Variants in ALK observed in about 807,000 individuals in gnomAD.
ALK encodes the protein ALK tyrosine kinase receptor.
In ALK, 74 loss-of-function variants were observed where a neutral mutation model predicts 163.1. The observed-to-expected ratio is 0.45, with a 90% CI of 0.38 to 0.55. The LOEUF (loss-of-function observed/expected upper bound fraction) is 0.55, where lower values mean the gene tolerates loss of function less well. ALK is among the 20% of genes least tolerant of loss of function. ALK has a pLI of 0.00. For synonymous variants in ALK, 960 were observed against 843.2 expected (o/e 1.14, Z -2.40); for missense variants, 2,063 against 2,105.3 (o/e 0.98, Z 0.39).
chr2:29,731,589 C>T (rs148358589), intron 1 of ALK, among the ~76,000 whole-genome samples: 199 of 152,288 alleles, frequency 1.3e-3, no homozygotes, highest in African/African-American at 4.2e-3. Flanking sequence ...CTAAACCTTC[C>T]GGCCTGCTGA....
intron 1 of ALK, among the ~76,000 whole-genome samples, chr2:29,891,422 T>C (rs1394194812): frequency 1.3e-5 from 2 of 152,158 alleles, no homozygotes; most frequent in Non-Finnish European, 2.9e-5. Context: ...GCATCTTAAA[T>C]AAGCACAATG....
At chr2:29,734,193 A>G (rs1679827837) in intron 1 of ALK, among the ~76,000 whole-genome samples, 1 of 152,184 alleles carries the variant, frequency 6.6e-6, no homozygotes, top group African/African-American at 2.4e-5. Context: ...TGACTTGGCA[A>G]TTGTGCAATC....
chr2:29,384,613 C>G (rs574660396), intron 4 of ALK, among the ~76,000 whole-genome samples: 16 of 151,926 alleles, frequency 1.1e-4, no homozygotes, highest in Non-Finnish European at 2.2e-4. Flanking sequence ...ATTGGACCAT[C>G]GAATTTACTT....
intron 4 of ALK, among the ~76,000 whole-genome samples, chr2:29,517,656 ACT>A (rs1380645057): frequency 1.3e-5 from 2 of 152,064 alleles, no homozygotes; most frequent in African/African-American, 2.4e-5. Flanking sequence ...ATATTATCTG[ACT>A]CTCCTGATGA....
intron 5 of ALK, among the ~76,000 whole-genome samples, chr2:29,339,188 A>C (rs1366586606): frequency 3.9e-5 from 6 of 152,054 alleles, no homozygotes; most frequent in African/African-American, 1.2e-4. Context: ...GGTTGCAGTG[A>C]ACTCAGATCA....
intron 4 of ALK, among the ~76,000 whole-genome samples, chr2:29,470,388 C>G (rs550250918): frequency 1.3e-5 from 2 of 152,120 alleles, no homozygotes; most frequent in Admixed American, 1.3e-4. Context: ...CTCTGTGAGT[C>G]CCACATAGAA....
chr2:29,520,780 C>G (rs200996326), intron 4 of ALK, among the ~76,000 whole-genome samples: 1 of 152,086 alleles, frequency 6.6e-6, no homozygotes, highest in African/African-American at 2.4e-5. Context: ...GTGAGCCAGG[C>G]TCAGGAGGGG....
At chr2:29,211,285 T>TGACA (rs982049064) in intron 24 of ALK, among the ~76,000 whole-genome samples, 116 of 152,260 alleles carry the variant, frequency 7.6e-4, no homozygotes, top group African/African-American at 2.7e-3. Flanking sequence ...ATAACACATA[T>TGACA]GACATCAAAA....
chr2:29,858,443 AGGTCTGAGGCCGGGTGC>A (rs1272613605), intron 1 of ALK, among the ~76,000 whole-genome samples: 1 of 151,976 alleles, frequency 6.6e-6, no homozygotes, highest in Non-Finnish European at 1.5e-5. Flanking sequence ...CATGGACAAA[AGGTCTGAGGCCGGGTGC>A]GGTGGCTCAT....
At chr2:29,461,681 T>G (rs2148102949) in intron 4 of ALK, among the ~76,000 whole-genome samples, 1 of 152,316 alleles carries the variant, frequency 6.6e-6, no homozygotes, top group South Asian at 2.1e-4. Flanking sequence ...ATGTACCTGG[T>G]TACACAAGGG....
intron 1 of ALK, among the ~76,000 whole-genome samples, chr2:29,718,538 T>C (rs1444947692): frequency 6.6e-5 from 10 of 152,230 alleles, no homozygotes; most frequent in Non-Finnish European, 1.2e-4. Context: ...CATAGATAGA[T>C]GTGTCACAAG....
chr2:29,798,221 T>C (rs1425861877), intron 1 of ALK, among the ~76,000 whole-genome samples: 1 of 152,360 alleles, frequency 6.6e-6, no homozygotes, highest in East Asian at 1.9e-4. Context: ...CCAAAGCCTC[T>C]CTTTGTGTGT....
At chr2:29,653,246 C>T (rs1659290085) in intron 3 of ALK, among the ~76,000 whole-genome samples, 1 of 152,114 alleles carries the variant, frequency 6.6e-6, no homozygotes, top group Non-Finnish European at 1.5e-5. Context: ...CTGAGAAACC[C>T]AATCTGTGTT....
chr2:29,773,857 C>T (rs12617700), intron 1 of ALK, among the ~76,000 whole-genome samples: 54,048 of 152,040 alleles, frequency 0.36, 12,062 homozygotes, highest in African/African-American at 0.63. Context: ...TCTCTGAAGA[C>T]GTCTTTAATG....
At chr2:29,442,325 G>C (rs1466190670) in intron 4 of ALK, among the ~76,000 whole-genome samples, 2 of 151,572 alleles carry the variant, frequency 1.3e-5, no homozygotes, top group Non-Finnish European at 2.9e-5. Flanking sequence ...AAAAAATGTT[G>C]AGACTTCTGA....
chr2:29,194,649 A>ACCCCACCC (rs370979482), intron 28 of ALK, among the ~76,000 whole-genome samples: 18 of 101,070 alleles, frequency 1.8e-4, no homozygotes, highest in South Asian at 1.3e-3. Context: ...ACAGGCATGC[A>ACCCCACCC]CCCCACCCCC....
intron 5 of ALK, among the ~76,000 whole-genome samples, chr2:29,363,674 C>A (rs1469570268): frequency 1.3e-5 from 2 of 152,168 alleles, no homozygotes; most frequent in African/African-American, 2.4e-5. Flanking sequence ...AGCCCAGGGG[C>A]CTCAGTGATG....
intron 3 of ALK, among the ~76,000 whole-genome samples, chr2:29,584,479 A>G (rs2148201245): frequency 6.6e-6 from 1 of 152,340 alleles, no homozygotes; most frequent in South Asian, 2.1e-4. Flanking sequence ...CACACAGAGT[A>G]TGCAGGCATC....
At chr2:29,818,612 G>A (rs1558502030) in intron 1 of ALK, among the ~76,000 whole-genome samples, 2 of 152,230 alleles carry the variant, frequency 1.3e-5, no homozygotes, top group South Asian at 2.1e-4. Context: ...AGAATATTCC[G>A]TTGCATAAGA....
Sources: allele counts gnomAD v4.1 joint callset (sites outside exome capture counted in the v4.1 genomes callset), GRCh38; gene constraint gnomAD v4.1.1; transcripts MANE v1.5; gene names NCBI Gene and HGNC (gene_info 2026-07-23, HGNC 2026-07-21).